The following MLX variants were observed in gnomAD, a reference collection of about 807,000 sequenced individuals.
MLX encodes the protein max-like protein X.
MLX carries 15 observed loss-of-function variants against 33.0 expected under a neutral mutation model. That is an observed-to-expected ratio of 0.45 (90% CI 0.30 to 0.70). The LOEUF (loss-of-function observed/expected upper bound fraction) is 0.70, where lower values mean the gene tolerates loss of function less well. Among genes scored for constraint, MLX ranks in the 30% least tolerant of loss-of-function variants. The pLI is 0.07. For synonymous variants in MLX, 115 were observed against 115.6 expected (o/e 0.99, Z 0.03); for missense variants, 285 against 306.3 (o/e 0.93, Z 0.52).
Position 42,570,051 on chromosome 17 carries a change from G to GGTCAA in MLX, c.549_553dup (p.Phe185SerfsTer50). Reference sequence around the variant, plus strand: ...AAGGGGAGGACCAGGTCTCTGACCAGGTCAAGTTCAACGTGTTTCAAGGCA... The same window carrying GGTCAA: ...AAGGGGAGGACCAGGTCTCTGACCAGGTCAAGTCAAGTTCAACGTGTTTCAAGGCA... On this transcript the variant is annotated frameshift_variant, in exon 7 of 8. Transcript: ENST00000435881. LOFTEE classifies it high-confidence loss of function. 6.2e-7 allele frequency: 1 copy of GGTCAA among 1,614,178 alleles called. No homozygotes were observed. Among genetic ancestry groups the GGTCAA allele is most frequent in the Non-Finnish European group, 8.5e-7 (1 of 1,180,040 alleles).
chr17:42,572,915 C>T lies in MLX; in HGVS notation c.*1312C>T. ...CAAAAACAAGGTAGCCAGTGCAAGA[C>T]ATCTCACTCTTCTGACATCCTGCAG... On this transcript the variant is annotated 3_prime_UTR_variant, in exon 8 of 8. Coordinates refer to ENST00000435881, the MANE Select transcript of MLX (RefSeq NM_198204.2). 6.3e-7 allele frequency: 1 copy of T among 1,592,642 alleles called. No homozygotes were observed. The highest frequency in any genetic ancestry group is 8.6e-7 in the Non-Finnish European group (1 of 1,161,628).
rs746360180 is a variant in MLX at position 42,570,036 on chromosome 17, C to T, written c.531C>T (p.Asp177=). Residue 177 remains aspartate, a synonymous_variant, in exon 7 of 8, where the codon GAC becomes GAT. Transcript: ENST00000435881. ...AGGACAACCCCCATGAAGGGGAGGA[C>T]CAGGTCTCTGACCAGGTCAAGTTCA... ...AHQDNPHEGE[D]QVSDQVKFNV... 6.2e-7 allele frequency: 1 copy of T among 1,614,048 alleles called. No individual in the cohort carries two copies. The highest frequency in any genetic ancestry group is 2.2e-5 in the East Asian group (1 of 44,886).
Position 42,571,534 on chromosome 17 carries a change from C to T in MLX, c.679-13C>T. On this transcript the variant is annotated splice_polypyrimidine_tract_variant and intron_variant, in intron 7 of 7. Transcript: ENST00000435881. ...TGGGCATTGTCTATTTCTTCCTCTG[C>T]TGCCCTCGCCAGACCCTGCGGGAGA... The T allele has an allele frequency of 6.2e-7, 1 of 1,613,994 alleles. No homozygotes were observed. Among genetic ancestry groups the T allele is most frequent in the Non-Finnish European group, 8.5e-7 (1 of 1,179,852 alleles).
At position 42,569,969 on chromosome 17, in the gene MLX, TGC is replaced by T; in HGVS notation, c.477-12_477-11del. On this transcript the variant is annotated splice_polypyrimidine_tract_variant and intron_variant, in intron 6 of 7. Transcript: ENST00000435881. ...CTGCTGCAGCACCTCAGCCCTGGCC[TGC>T]ATGCTTTTAGGAACTATGAGCAGAT... The T allele has an allele frequency of 6.2e-7, 1 of 1,612,920 alleles. No individual in the cohort carries two copies. Among genetic ancestry groups the T allele is most frequent in the Middle Eastern group, 1.8e-4 (1 of 5,456 alleles).
Position 42,569,626 on chromosome 17 carries a change from G to A in MLX, c.476+20G>A. ...GAAAGTGTAAGAGGGGTGCTGAATGGGGGGAACCAGAACTTCTGAGGCAAC... is the reference window on the plus strand; with the variant it reads ...GAAAGTGTAAGAGGGGTGCTGAATGAGGGGAACCAGAACTTCTGAGGCAAC... On this transcript the variant is annotated intron_variant, in intron 6 of 7. Coordinates refer to ENST00000435881, the MANE Select transcript of MLX (RefSeq NM_198204.2). The A allele has an allele frequency of 1.3e-6, 2 of 1,594,858 alleles. No homozygotes were observed. Among genetic ancestry groups the A allele is most frequent in the Non-Finnish European group, 1.7e-6 (2 of 1,162,830 alleles).
chr17:42,567,712 A>C, intron 2 of MLX, 57 bp downstream of exon 2: 19 of 1,612,310 alleles, frequency 1.2e-5, no homozygotes, highest in Non-Finnish European at 1.6e-5. Context: ...GGCTCTCTAG[A>C]TTCTTGTGGC....
Position 42,572,406 on chromosome 17 carries a change from G to A in MLX, c.*803G>A, listed in dbSNP as rs750666832. 5 of 454,616 alleles carry A rather than the reference G, an allele frequency of 1.1e-5. No homozygotes were observed. Among genetic ancestry groups the A allele is most frequent in the South Asian group, 7.8e-5 (5 of 64,480 alleles). 28.2% of individuals were successfully genotyped at this position (454,616 alleles called of 1,614,324 possible). ...ACTGAGCCTCAAAATCACCCTTTCT[G>A]TCAAGCATATCTTGGCCTCTCCCAT... On this transcript the variant is annotated 3_prime_UTR_variant, in exon 8 of 8. Coordinates refer to ENST00000435881, the MANE Select transcript of MLX (RefSeq NM_198204.2).
rs1393876751 is a variant in MLX, at chr17:42,572,545, G to A, written c.*942G>A. The A allele has an allele frequency of 3.5e-5, 16 of 453,684 alleles. No homozygotes were observed. In the East Asian group the frequency reaches 5.5e-4, roughly 16 times the overall value. The allele number at this position is 453,684 out of a possible 1,614,324, so 28.1% of individuals were successfully genotyped here. A position where few individuals can be genotyped will look rare whatever the true frequency, so the allele number is the denominator to read the frequency against. On this transcript the variant is annotated 3_prime_UTR_variant, in exon 8 of 8. Coordinates refer to ENST00000435881, the MANE Select transcript of MLX (RefSeq NM_198204.2). ...AGCCCAGCAGGTCCTGAGTGAAGCC[G>A]TGGGCCCTCCAAATGCTCGTTTTAT...
chr17:42,568,590 GGGC>G, intron 3 of MLX, 31 bp downstream of exon 3: 1 of 1,576,542 alleles, frequency 6.3e-7, no homozygotes, highest in Non-Finnish European at 8.7e-7. Flanking sequence ...CGACCTCGGG[GGGC>G]TCAGATATGT....
chr17:42,573,098 T>C lies in MLX; in HGVS notation c.*1495T>C. The C allele has an allele frequency of 6.2e-7, 1 of 1,614,164 alleles. No individual in the cohort carries two copies. Among genetic ancestry groups the C allele is most frequent in the Non-Finnish European group, 8.5e-7 (1 of 1,180,012 alleles). On this transcript the variant is annotated 3_prime_UTR_variant, in exon 8 of 8. Coordinates refer to ENST00000435881, the MANE Select transcript of MLX (RefSeq NM_198204.2). ...CAGGGAAGCAAAGAAGGAAGAGAGC[T>C]CCACTTACAAAGAACTGCTTCTTGC...
chr17:42,573,009 C>T lies in MLX; in HGVS notation c.*1406C>T. Reference sequence around the variant, plus strand: ...GTGACGTTGTAATCTTCATCCGTCTCTATCCCAACTTCCTCCTGTGAGACA... The same window carrying T: ...GTGACGTTGTAATCTTCATCCGTCTTTATCCCAACTTCCTCCTGTGAGACA... On this transcript the variant is annotated 3_prime_UTR_variant, in exon 8 of 8. Transcript: ENST00000435881. 6.2e-7 allele frequency: 1 copy of T among 1,614,260 alleles called. No individual in the cohort carries two copies.
intron 1 of MLX, chr17:42,567,370 C>A: frequency 7.2e-7 from 1 of 1,396,048 alleles, no homozygotes; most frequent in Non-Finnish European, 9.4e-7. Context: ...GTCGGGGGAA[C>A]GGGGCACTGG....
In MLX at chr17:42,573,066, A is replaced by G; in HGVS notation, c.*1463A>G. On this transcript the variant is annotated 3_prime_UTR_variant, in exon 8 of 8. Transcript: ENST00000435881. ...CAAGTGAATGAGATGTCACCAGGAT[A>G]AGACCACAGGGAAGCAAAGAAGGAA... 1 of 1,614,160 alleles carries G rather than the reference A, an allele frequency of 6.2e-7. No individual in the cohort carries two copies. Among genetic ancestry groups the G allele is most frequent in the Non-Finnish European group, 8.5e-7 (1 of 1,179,948 alleles).
At position 42,569,272 on chromosome 17, in the gene MLX, A is replaced by C. The variant is rs1015383378; in HGVS notation, c.345A>C (p.Gln115His). The C allele has an allele frequency of 1.6e-5, 26 of 1,614,030 alleles. No homozygotes were observed. In the Middle Eastern group the frequency reaches 4.9e-4, roughly 31 times the overall value. Reference protein sequence around the residue: ...CQQQDFSIGSQKLSKAIVLQK... With the variant: ...CQQQDFSIGSHKLSKAIVLQK... ...AGCAGGACTTCTCCATTGGCTCCCA[A>C]AAGCTCAGCAAAGCCATCGTTCTAC... Residue 115 changes from glutamine to histidine, a missense_variant, in exon 5 of 8, where the codon CAA becomes CAC. Transcript: ENST00000435881.
chr17:42,567,335 AGACAAACGAGGCGTGTGCGCGCGAGTC>A, intron 1 of MLX, 169 bp downstream of exon 1: 1 of 1,400,400 alleles, frequency 7.1e-7, no homozygotes, highest in Non-Finnish European at 9.3e-7. Flanking sequence ...CAAGGTGGGG[AGACAAACGAGGCGTGTGCGCGCGAGTC>A]GGGGGAACGG....
At chr17:42,571,062 T>C (rs964057753) in intron 7 of MLX, among the ~76,000 whole-genome samples, 1 of 152,108 alleles carries the variant, frequency 6.6e-6, no homozygotes, top group Non-Finnish European at 1.5e-5. Flanking sequence ...CCGAAACATT[T>C]TACTATATTT....
In MLX at chr17:42,567,130, G is replaced by C. The variant is rs750959646; in HGVS notation, c.6G>C (p.Thr2=). Residue 2 remains threonine, a synonymous_variant, in exon 1 of 8, where the codon ACG becomes ACC. Coordinates refer to ENST00000435881, the MANE Select transcript of MLX (RefSeq NM_198204.2). M[T]EPGASPEDPW... is the part of the protein sequence containing the mutation. Reference sequence around the variant, plus strand: ...TCCGGTCCGGTGGGTACAAGATGACGGAGCCGGGCGCCTCTCCCGAGGACC... The same window carrying C: ...TCCGGTCCGGTGGGTACAAGATGACCGAGCCGGGCGCCTCTCCCGAGGACC... The C allele has an allele frequency of 7.9e-7, 1 of 1,259,726 alleles. No individual in the cohort carries two copies. The highest frequency in any genetic ancestry group is 1.0e-6 in the Non-Finnish European group (1 of 1,002,728). 78.0% of individuals were successfully genotyped at this position (1,259,726 alleles called of 1,614,324 possible). A position where few individuals can be genotyped will look rare whatever the true frequency, so the allele number is the denominator to read the frequency against.
At chr17:42,569,116 A>C in intron 4 of MLX, 88 bp from the exon 5 acceptor site, 1 of 1,382,956 alleles carries the variant, frequency 7.2e-7, no homozygotes, top group Non-Finnish European at 1.0e-6. Flanking sequence ...GTTTGTGAGC[A>C]TAGAACTTGG....
chr17:42,569,926 C>A, intron 6 of MLX, 56 bp from the exon 7 acceptor site: 1 of 1,527,946 alleles, frequency 6.5e-7, no homozygotes, highest in Non-Finnish European at 9.1e-7. Flanking sequence ...TCCCGTCATT[C>A]TTCTTGGGTG....
Sources: allele counts gnomAD v4.1 joint callset (sites outside exome capture counted in the v4.1 genomes callset), GRCh38; gene constraint gnomAD v4.1.1; transcripts MANE v1.5; gene names NCBI Gene and HGNC (gene_info 2026-07-23, HGNC 2026-07-21).